The following ATP8B1 variants were observed in gnomAD, a reference collection of about 807,000 sequenced individuals.
ATP8B1 encodes the protein ATPase phospholipid transporting 8B1, also known as phospholipid-transporting ATPase IC.
In ATP8B1, 80 loss-of-function variants were observed where a neutral mutation model predicts 149.9. The ratio of observed to expected loss-of-function variants is 0.53; its 90% CI spans 0.45 to 0.64. The LOEUF is 0.64. Ranked by LOEUF, ATP8B1 falls within the 30% of genes least tolerant of loss-of-function variation. The probability of loss-of-function intolerance (pLI) is 0.00; values close to 1 mark genes in which losing one functional copy is unlikely to be tolerated. For synonymous variants in ATP8B1, 536 were observed against 562.8 expected, an observed-to-expected ratio of 0.95 and a Z score of 0.67; for missense variants, 1,247 against 1,552.6, an observed-to-expected ratio of 0.80 and a Z score of 3.31.
intron 13 of ATP8B1, among the ~76,000 whole-genome samples, chr18:57,686,033 A>T (rs1429606837): frequency 6.6e-6 from 1 of 152,160 alleles, no homozygotes; most frequent in Non-Finnish European, 1.5e-5. Context: ...GGATCACTTG[A>T]GGTCAGGGGT....
chr18:57,732,217 G>A (rs1230676412), intron 1 of ATP8B1, among the ~76,000 whole-genome samples: 9 of 13,586 alleles, frequency 6.6e-4, no homozygotes, highest in African/African-American at 1.0e-3. Flanking sequence ...GTATATATGT[G>A]TATATATGTA....
intron 1 of ATP8B1, among the ~76,000 whole-genome samples, chr18:57,736,010 T>C (rs908699409): frequency 9.3e-5 from 13 of 139,194 alleles, no homozygotes; most frequent in African/African-American, 3.5e-4. Context: ...TGTGTGATGT[T>C]CCCCTCCCTG....
intron 1 of ATP8B1, among the ~76,000 whole-genome samples, chr18:57,795,993 A>AC (rs774333956): frequency 2.0e-5 from 3 of 152,066 alleles, no homozygotes; most frequent in Non-Finnish European, 4.4e-5. Flanking sequence ...ACATGGTGAA[A>AC]CCCTGTCTCT....
chr18:57,700,958 G>A, intron 6 of ATP8B1, 81 bp downstream of exon 6: 1 of 1,380,956 alleles, frequency 7.2e-7, no homozygotes, highest in South Asian at 1.2e-5. Context: ...CTTCTACATT[G>A]TAATAATTAT....
intron 1 of ATP8B1, among the ~76,000 whole-genome samples, chr18:57,762,721 G>T (rs2123335410): frequency 1.3e-5 from 2 of 152,276 alleles, no homozygotes; most frequent in South Asian, 4.1e-4. Flanking sequence ...CCATAAACAT[G>T]AACCTACTTA....
At chr18:57,764,247 C>T (rs570879524) in intron 1 of ATP8B1, among the ~76,000 whole-genome samples, 14 of 151,668 alleles carry the variant, frequency 9.2e-5, no homozygotes, top group African/African-American at 2.9e-4. Context: ...GGGAGCCTGC[C>T]TTCCTTCCTT....
chr18:57,739,572 C>T (rs1243301833), intron 1 of ATP8B1, among the ~76,000 whole-genome samples: 1 of 152,150 alleles, frequency 6.6e-6, no homozygotes, highest in Non-Finnish European at 1.5e-5. Context: ...AGCAAATCAA[C>T]TTTCAATAAA....
At chr18:57,797,059 A>C (rs1274859506) in intron 1 of ATP8B1, among the ~76,000 whole-genome samples, 1 of 152,180 alleles carries the variant, frequency 6.6e-6, no homozygotes, top group African/African-American at 2.4e-5. Context: ...GTGTACATGA[A>C]TCACACCACA....
intron 27 of ATP8B1, among the ~76,000 whole-genome samples, chr18:57,649,070 G>C (rs1909415090): frequency 6.6e-6 from 1 of 151,862 alleles, no homozygotes; most frequent in African/African-American, 2.4e-5. Context: ...TCTAATTTTT[G>C]TATTTTTAGT....
chr18:57,679,047 G>T (rs1205605266), intron 15 of ATP8B1, among the ~76,000 whole-genome samples: 1 of 145,126 alleles, frequency 6.9e-6, no homozygotes, highest in Admixed American at 7.0e-5. Flanking sequence ...GGCTAACATG[G>T]TGAAACCCTG....
intron 18 of ATP8B1, chr18:57,668,860 G>T: frequency 3.6e-6 from 1 of 274,834 alleles, no homozygotes; most frequent in Non-Finnish European, 6.7e-6. Context: ...CCGTAAACCA[G>T]TTGCAATACT....
At chr18:57,724,441 G>C (rs319420) in intron 2 of ATP8B1, among the ~76,000 whole-genome samples, 24,637 of 150,480 alleles carry the variant, frequency 0.16, 2,670 homozygotes, top group East Asian at 0.48. Flanking sequence ...GTGGGCGAAG[G>C]ACATGAACAG....
At chr18:57,697,974 G>GA (rs1912908639) in intron 6 of ATP8B1, 107 bp from the exon 7 acceptor site, 1 of 1,088,342 alleles carries the variant, frequency 9.2e-7, no homozygotes, top group African/African-American at 1.6e-5. Flanking sequence ...AAGTCACAGA[G>GA]AAAATGCTAA....
rs770162338 is a variant in ATP8B1 at position 57,775,957 on chromosome 18, A to G, written c.-26+27041T>C. ...CTGCGCCCAGCCTAGGCATTTCTTT[A>G]AAATCTATCCATTCATGTGCTCCAT... On this transcript the variant is annotated intron_variant, in intron 1 of 27. Transcript: ENST00000648908. 8.2e-4 allele frequency among the ~76,000 whole-genome samples: 124 copies of G among 152,124 alleles called. 2 individuals carry two copies. Among genetic ancestry groups the G allele is most frequent in the Non-Finnish European group, 2.5e-4 (17 of 68,028 alleles).
chr18:57,731,549 G>T, intron 2 of ATP8B1, 78 bp downstream of exon 2: 3 of 1,501,550 alleles, frequency 2.0e-6, no homozygotes, highest in Non-Finnish European at 2.7e-6. Flanking sequence ...AAAATAGACC[G>T]ATCATCTTTG....
chr18:57,654,779 C>T (rs12963741), intron 23 of ATP8B1, among the ~76,000 whole-genome samples: 12,160 of 149,846 alleles, frequency 0.081, 631 homozygotes, highest in Non-Finnish European at 0.11. Flanking sequence ...CTCTGCCTCC[C>T]AGGTTCAAGC....
chr18:57,720,139 A>G (rs1317735787), intron 2 of ATP8B1, among the ~76,000 whole-genome samples: 119 of 150,962 alleles, frequency 7.9e-4, no homozygotes, highest in Non-Finnish European at 1.5e-3. Flanking sequence ...AACCACAAAG[A>G]TGGGGAAAAA....
intron 1 of ATP8B1, among the ~76,000 whole-genome samples, chr18:57,776,264 C>T (rs1487614972): frequency 6.6e-6 from 1 of 152,246 alleles, no homozygotes; most frequent in East Asian, 1.9e-4. Flanking sequence ...TGTCCAACGA[C>T]CCTTTGCCTC....
At chr18:57,650,301 G>A (rs898493452) in intron 27 of ATP8B1, 66 bp downstream of exon 27, 51 of 1,581,870 alleles carry the variant, frequency 3.2e-5, no homozygotes, top group Admixed American at 5.1e-5. Flanking sequence ...TGCAGGAAAC[G>A]TGCTGTTGGG....
Sources: allele counts gnomAD v4.1 joint callset (sites outside exome capture counted in the v4.1 genomes callset), GRCh38; gene constraint gnomAD v4.1.1; transcripts MANE v1.5; gene names NCBI Gene and HGNC (gene_info 2026-07-23, HGNC 2026-07-21).